The following GRID2 variants were observed in gnomAD, a reference collection of about 807,000 sequenced individuals.
GRID2 encodes the protein glutamate ionotropic receptor delta type subunit 2.
GRID2 carries 33 observed loss-of-function variants against 114.8 expected under a neutral mutation model. The ratio of observed to expected loss-of-function variants is 0.29; its 90% confidence interval spans 0.22 to 0.38. The LOEUF is 0.38. GRID2 is among the 10% of genes least tolerant of loss of function. The pLI is 1.00. For synonymous variants in GRID2, 505 were observed against 449.9 expected, an observed-to-expected ratio of 1.12 and a Z score of -1.55; for missense variants, 1,184 against 1,257.7, an observed-to-expected ratio of 0.94 and a Z score of 0.89.
intron 2 of GRID2, among the ~76,000 whole-genome samples, chr4:92,772,160 T>C (rs77692974): frequency 1.3e-5 from 2 of 152,162 alleles, no homozygotes; most frequent in African/African-American, 4.8e-5. Flanking sequence ...ATCTGATTGG[T>C]TGAATTTATC....
intron 2 of GRID2, among the ~76,000 whole-genome samples, chr4:92,974,929 G>C (rs1439939233): frequency 9.8e-6 from 1 of 101,778 alleles, no homozygotes; most frequent in South Asian, 2.9e-4. Flanking sequence ...AGGCCGAGGC[G>C]GGCGGATCAC....
chr4:92,536,084 G>A (rs1725611759), intron 1 of GRID2, among the ~76,000 whole-genome samples: 1 of 152,206 alleles, frequency 6.6e-6, no homozygotes, highest in African/African-American at 2.4e-5. Context: ...AGCCTCCACA[G>A]CAAGGAAAGG....
intron 8 of GRID2, among the ~76,000 whole-genome samples, chr4:93,366,734 G>T (rs1041063889): frequency 2.6e-5 from 4 of 151,984 alleles, no homozygotes; most frequent in Middle Eastern, 3.4e-3. Context: ...TACCCCGGAC[G>T]CCCGGCTTTA....
At chr4:92,967,547 A>G (rs940233297) in intron 2 of GRID2, among the ~76,000 whole-genome samples, 5 of 151,928 alleles carry the variant, frequency 3.3e-5, no homozygotes, top group Non-Finnish European at 5.9e-5. Flanking sequence ...TAATTCTAGG[A>G]AATTGCTGGA....
intron 2 of GRID2, among the ~76,000 whole-genome samples, chr4:92,660,856 A>G (rs1732479960): frequency 6.6e-6 from 1 of 151,226 alleles, no homozygotes; most frequent in Non-Finnish European, 1.5e-5. Context: ...TTGTGCCAAG[A>G]AAAATAATTT....
chr4:93,171,093 G>T (rs1370942018), intron 4 of GRID2, among the ~76,000 whole-genome samples: 1 of 151,996 alleles, frequency 6.6e-6, no homozygotes, highest in African/African-American at 2.4e-5. Flanking sequence ...CTCTGGTCAG[G>T]TTTCCTATCT....
chr4:92,612,745 T>G (rs986995197), intron 2 of GRID2, among the ~76,000 whole-genome samples: 2 of 151,468 alleles, frequency 1.3e-5, no homozygotes, highest in African/African-American at 4.8e-5. Context: ...TTGTTCTTGC[T>G]AATGAATAAA....
At chr4:93,274,515 T>C (rs758748615) in intron 8 of GRID2, among the ~76,000 whole-genome samples, 2 of 152,136 alleles carry the variant, frequency 1.3e-5, no homozygotes, top group Non-Finnish European at 2.9e-5. Context: ...GGTCTCATAC[T>C]GCATGTGGGT....
At chr4:92,490,744 C>A (rs111403589) in intron 1 of GRID2, among the ~76,000 whole-genome samples, 404 of 152,126 alleles carry the variant, frequency 2.7e-3, no homozygotes, top group Middle Eastern at 0.024. Context: ...CATAAGAGGC[C>A]GTCCTCTCCA....
At chr4:92,332,429 A>G (rs1028855390) in intron 1 of GRID2, among the ~76,000 whole-genome samples, 3 of 152,106 alleles carry the variant, frequency 2.0e-5, no homozygotes, top group Admixed American at 6.6e-5. Flanking sequence ...TGCACTGGGG[A>G]ATAAGTTTCC....
chr4:93,765,432 A>G (rs1344829016), intron 14 of GRID2, among the ~76,000 whole-genome samples: 1 of 151,982 alleles, frequency 6.6e-6, no homozygotes, highest in South Asian at 2.1e-4. Flanking sequence ...AAAATAAACA[A>G]TACAAAGAGA....
At chr4:93,513,753 G>T (rs1729425449) in intron 12 of GRID2, among the ~76,000 whole-genome samples, 4 of 152,126 alleles carry the variant, frequency 2.6e-5, no homozygotes, top group Non-Finnish European at 5.9e-5. Context: ...GCAGATAAAA[G>T]TTTGCTGAAA....
rs762342802 is a variant in GRID2 at position 93,455,893 on chromosome 4, C to A, written c.1777C>A (p.Pro593Thr). The A allele has an allele frequency of 6.2e-7, 1 of 1,610,816 alleles. No individual in the cohort carries two copies. Among genetic ancestry groups the A allele is most frequent in the Admixed American group, 1.7e-5 (1 of 59,986 alleles). Residue 593 changes from proline (P) to threonine (T), a missense_variant, in exon 11 of 16, where the codon CCA (proline) becomes ACA (threonine). Transcript: ENST00000282020. ...LVYLLNWLNPPRLQMGSMTST... is the reference protein window; with the variant it reads ...LVYLLNWLNPTRLQMGSMTST... ...CTACCTCTTGAACTGGCTTAATCCC[C>A]CACGATTACAAATGGGATCAATGAC...
chr4:93,473,967 CA>C (rs1725080482), intron 11 of GRID2, among the ~76,000 whole-genome samples: 1 of 151,848 alleles, frequency 6.6e-6, no homozygotes, highest in Non-Finnish European at 1.5e-5. Context: ...AAAAGGAAAG[CA>C]AAAATATAAC....
downstream of GRID2, chr4:93,810,264 C>T (rs1353619081): frequency 6.6e-6 from 1 of 152,154 alleles, no homozygotes; most frequent in Non-Finnish European, 1.5e-5. Flanking sequence ...GCAGAAAACT[C>T]TTCCTTTCCC....
At chr4:93,230,904 C>G (rs1746053716) in intron 7 of GRID2, among the ~76,000 whole-genome samples, 1 of 152,042 alleles carries the variant, frequency 6.6e-6, no homozygotes, top group Non-Finnish European at 1.5e-5. Context: ...CTCATGAAAA[C>G]TATATTTATA....
intron 1 of GRID2, among the ~76,000 whole-genome samples, chr4:92,342,570 A>T (rs987873067): frequency 2.0e-5 from 3 of 152,252 alleles, no homozygotes; most frequent in African/African-American, 7.2e-5. Flanking sequence ...TAACCTATAC[A>T]TATCAATAGA....
chr4:92,602,054 C>T (rs946061951), intron 2 of GRID2, among the ~76,000 whole-genome samples: 11 of 151,928 alleles, frequency 7.2e-5, no homozygotes, highest in Admixed American at 5.9e-4. Flanking sequence ...CAGGGCCAGA[C>T]GGATTTATAG....
chr4:93,565,524 C>T (rs1735325566), intron 13 of GRID2, among the ~76,000 whole-genome samples: 2 of 151,646 alleles, frequency 1.3e-5, no homozygotes, highest in South Asian at 4.1e-4. Flanking sequence ...TTCTGTTGCA[C>T]GAAAAAACCT....
Sources: gnomAD v4.1 joint callset for allele counts (sites outside exome capture counted in the v4.1 genomes callset) on GRCh38, gnomAD v4.1.1 for gene constraint, MANE v1.5 for transcripts, NCBI Gene and HGNC (gene_info 2026-07-23, HGNC 2026-07-21) for gene names.